Variants in SPAG16 observed in about 807,000 individuals in gnomAD.
SPAG16 encodes the protein sperm associated antigen 16.
Under a neutral mutation model 80.4 loss-of-function variants are expected in SPAG16, and 86 were observed. The observed-to-expected ratio is 1.07, with a 90% CI of 0.90 to 1.28. SPAG16 has a LOEUF of 1.28. Ranked by LOEUF, SPAG16 falls within the 50% of genes most tolerant of loss-of-function variation. SPAG16 has a pLI of 0.00. For synonymous variants in SPAG16, 294 were observed against 265.9 expected, an observed-to-expected ratio of 1.11 and a Z score of -1.03; for missense variants, 870 against 765.3, an observed-to-expected ratio of 1.14 and a Z score of -1.61.
At chr2:214,193,048 T>C (rs1158194669) in intron 15 of SPAG16, among the ~76,000 whole-genome samples, 2 of 152,096 alleles carry the variant, frequency 1.3e-5, no homozygotes, top group Non-Finnish European at 2.9e-5. Context: ...ACATGATCAG[T>C]ACTATAGAGT....
intron 13 of SPAG16, among the ~76,000 whole-genome samples, chr2:214,071,968 T>C (rs1487528923): frequency 1.3e-5 from 2 of 152,156 alleles, no homozygotes; most frequent in Non-Finnish European, 2.9e-5. Flanking sequence ...TTCTCATTGG[T>C]TTCAAAATAA....
chr2:213,366,517 A>T (rs1480790972), intron 8 of SPAG16, among the ~76,000 whole-genome samples: 1 of 152,182 alleles, frequency 6.6e-6, no homozygotes, highest in African/African-American at 2.4e-5. Flanking sequence ...CACCTCTTAG[A>T]TGGCAGCAGG....
intron 13 of SPAG16, among the ~76,000 whole-genome samples, chr2:214,037,678 A>G (rs1298131220): frequency 6.6e-6 from 1 of 152,062 alleles, no homozygotes; most frequent in Non-Finnish European, 1.5e-5. Flanking sequence ...TTTTTGCTTT[A>G]TAAAAGTGTC....
chr2:214,315,422 T>A (rs1695605209), intron 15 of SPAG16, among the ~76,000 whole-genome samples: 1 of 152,170 alleles, frequency 6.6e-6, no homozygotes, highest in South Asian at 2.1e-4. Context: ...AGAAATTTCA[T>A]CTTGAATATG....
At chr2:213,879,826 A>G (rs2106022714) in intron 11 of SPAG16, among the ~76,000 whole-genome samples, 1 of 152,222 alleles carries the variant, frequency 6.6e-6, no homozygotes, top group East Asian at 1.9e-4. Context: ...ATTCCTTTAT[A>G]TGGCTGTGTA....
At chr2:213,957,148 A>G (rs2106340243) in intron 12 of SPAG16, among the ~76,000 whole-genome samples, 1 of 151,912 alleles carries the variant, frequency 6.6e-6, no homozygotes, top group East Asian at 1.9e-4. Flanking sequence ...TTGCTTTATT[A>G]TGATGTTTAT....
intron 10 of SPAG16, among the ~76,000 whole-genome samples, chr2:213,605,069 A>G (rs928445762): frequency 2.6e-5 from 4 of 151,470 alleles, no homozygotes; most frequent in African/African-American, 9.7e-5. Flanking sequence ...TATAGTTTTT[A>G]TTGATTGATT....
At chr2:214,128,330 G>C (rs2054596015) in intron 14 of SPAG16, among the ~76,000 whole-genome samples, 1 of 151,812 alleles carries the variant, frequency 6.6e-6, no homozygotes, top group African/African-American at 2.4e-5. Context: ...GGTTGGGAGA[G>C]TTATTGGCAT....
chr2:214,010,817 A>G (rs1203666265), intron 12 of SPAG16, among the ~76,000 whole-genome samples: 1 of 146,566 alleles, frequency 6.8e-6, no homozygotes, highest in Non-Finnish European at 1.5e-5. Flanking sequence ...AAAATATGTG[A>G]TGATTTTTGA....
intron 10 of SPAG16, among the ~76,000 whole-genome samples, chr2:213,574,811 A>G (rs1200674259): frequency 1.3e-5 from 2 of 151,578 alleles, no homozygotes; most frequent in Non-Finnish European, 2.9e-5. Flanking sequence ...ATGGGACAGT[A>G]TCTATTTAAC....
At chr2:214,336,104 A>T (rs549125095) in intron 15 of SPAG16, among the ~76,000 whole-genome samples, 1 of 152,142 alleles carries the variant, frequency 6.6e-6, no homozygotes. Context: ...GTAGTTGAAC[A>T]CATGGATTTA....
chr2:213,755,082 G>C (rs2068260975), intron 10 of SPAG16, among the ~76,000 whole-genome samples: 1 of 152,152 alleles, frequency 6.6e-6, no homozygotes, highest in Non-Finnish European at 1.5e-5. Context: ...CTTTGTGTCA[G>C]TAATACTCAA....
intron 10 of SPAG16, among the ~76,000 whole-genome samples, chr2:213,835,617 G>T (rs1030952485): frequency 6.6e-6 from 1 of 151,800 alleles, no homozygotes; most frequent in African/African-American, 2.4e-5. Context: ...TTTCCTATTT[G>T]TCAAGTGATT....
intron 10 of SPAG16, among the ~76,000 whole-genome samples, chr2:213,830,718 A>T (rs905714772): frequency 6.6e-6 from 1 of 152,122 alleles, no homozygotes; most frequent in African/African-American, 2.4e-5. Context: ...ATTATCCTGT[A>T]TTGGATTTTG....
intron 14 of SPAG16, among the ~76,000 whole-genome samples, chr2:214,129,071 G>C (rs2054630203): frequency 6.7e-6 from 1 of 150,246 alleles, no homozygotes; most frequent in Non-Finnish European, 1.5e-5. Context: ...TTCTTCCTAG[G>C]CCCCTAAGTA....
At chr2:213,340,786 A>T (rs2064643835) in intron 6 of SPAG16, among the ~76,000 whole-genome samples, 1 of 152,168 alleles carries the variant, frequency 6.6e-6, no homozygotes, top group Non-Finnish European at 1.5e-5. Flanking sequence ...ATTATTTTGA[A>T]GGCATTATTG....
At chr2:214,380,655 CT>C (rs1277577950) in intron 15 of SPAG16, among the ~76,000 whole-genome samples, 1 of 152,168 alleles carries the variant, frequency 6.6e-6, no homozygotes, top group Admixed American at 6.5e-5. Flanking sequence ...CAGAGCATAT[CT>C]TCAAAATGAG....
intron 10 of SPAG16, among the ~76,000 whole-genome samples, chr2:213,667,675 T>C (rs981805831): frequency 5.9e-5 from 9 of 152,172 alleles, no homozygotes; most frequent in Non-Finnish European, 4.4e-5. Flanking sequence ...TATAATTAAG[T>C]TATGGAACAT....
chr2:213,987,595 C>T (rs1317269095), intron 12 of SPAG16, among the ~76,000 whole-genome samples: 1 of 151,898 alleles, frequency 6.6e-6, no homozygotes, highest in East Asian at 1.9e-4. Context: ...CTGCCTGAGC[C>T]TAGAATCCTA....
Sources: allele counts gnomAD v4.1 joint callset (sites outside exome capture counted in the v4.1 genomes callset), GRCh38; gene constraint gnomAD v4.1.1; transcripts MANE v1.5; gene names NCBI Gene and HGNC (gene_info 2026-07-23, HGNC 2026-07-21).